TAFA5: variants seen among roughly 807,000 people sequenced by gnomAD.
TAFA5 encodes the protein TAFA chemokine like family member 5.
TAFA5 carries 6 observed loss-of-function variants against 15.3 expected under a neutral mutation model. The observed-to-expected ratio is 0.39, with a 90% CI of 0.21 to 0.77. The LOEUF (loss-of-function observed/expected upper bound fraction) is 0.77. Among genes scored for constraint, TAFA5 ranks in the 30% least tolerant of loss-of-function variants. The pLI, the probability that TAFA5 is intolerant of heterozygous loss-of-function variation, is 0.41. For synonymous variants in TAFA5, 103 were observed against 80.7 expected (o/e 1.28, Z -1.48); for missense variants, 161 against 193.1 (o/e 0.83, Z 0.98).
At chr22:48,718,477 G>A (rs2147259130) in intron 3 of TAFA5, among the ~76,000 whole-genome samples, 1 of 152,216 alleles carries the variant, frequency 6.6e-6, no homozygotes, top group East Asian at 1.9e-4. Context: ...GGAGGACATG[G>A]GCCTGGCAGA....
intron 3 of TAFA5, among the ~76,000 whole-genome samples, chr22:48,715,005 C>A (rs1929360676): frequency 6.6e-6 from 1 of 152,246 alleles, no homozygotes; most frequent in Non-Finnish European, 1.5e-5. Context: ...AACACTCCAG[C>A]TATTGGCTTT....
chr22:48,693,151 A>T, intron 2 of TAFA5: 1 of 784,358 alleles, frequency 1.3e-6, no homozygotes, highest in African/African-American at 1.7e-5. Flanking sequence ...CCTCGAGTCG[A>T]AGCCTCTGCT....
At chr22:48,729,187 A>G (rs1406708119) in intron 3 of TAFA5, among the ~76,000 whole-genome samples, 1 of 150,340 alleles carries the variant, frequency 6.7e-6, no homozygotes, top group African/African-American at 2.4e-5. Flanking sequence ...TTTCCCAAAT[A>G]TTGGAAAATA....
chr22:48,667,567 C>T (rs991799704), intron 2 of TAFA5, among the ~76,000 whole-genome samples: 3 of 152,268 alleles, frequency 2.0e-5, no homozygotes, highest in South Asian at 4.1e-4. Flanking sequence ...ATTTATCTCG[C>T]GGGCTTCGCT....
At chr22:48,561,872 G>T (rs945292218) in intron 1 of TAFA5, among the ~76,000 whole-genome samples, 4 of 152,214 alleles carry the variant, frequency 2.6e-5, no homozygotes, top group Non-Finnish European at 5.9e-5. Flanking sequence ...CACACATTCT[G>T]CACAGTGACG....
At chr22:48,623,396 C>T (rs5771674) in intron 1 of TAFA5, among the ~76,000 whole-genome samples, 6,015 of 45,024 alleles carry the variant, frequency 0.13, 223 homozygotes, top group African/African-American at 0.16. Flanking sequence ...TGGGACGGGA[C>T]GTGTCGCGTG....
intron 1 of TAFA5, among the ~76,000 whole-genome samples, chr22:48,642,943 T>C (rs1601637792): frequency 1.3e-5 from 2 of 152,170 alleles, no homozygotes; most frequent in African/African-American, 2.4e-5. Context: ...GCCCTGGCCC[T>C]GTCAGTAGTC....
At chr22:48,684,544 C>G (rs374258832) in intron 2 of TAFA5, among the ~76,000 whole-genome samples, 113 of 152,308 alleles carry the variant, frequency 7.4e-4, no homozygotes, top group African/African-American at 2.7e-3. Context: ...GATGCTGCCT[C>G]CAGAGCAGAC....
At chr22:48,516,804 T>G (rs1921424030) in intron 1 of TAFA5, among the ~76,000 whole-genome samples, 1 of 152,156 alleles carries the variant, frequency 6.6e-6, no homozygotes, top group African/African-American at 2.4e-5. Flanking sequence ...CTGACCCACC[T>G]CCGGGACACT....
chr22:48,646,569 G>T (rs751116279), intron 1 of TAFA5, 28 bp from the exon 2 acceptor site: 2 of 1,608,544 alleles, frequency 1.2e-6, no homozygotes, highest in Non-Finnish European at 1.7e-6. Context: ...ACGTGTGGCC[G>T]CTCAGTCGCT....
At chr22:48,570,809 C>A (rs777445568) in intron 1 of TAFA5, among the ~76,000 whole-genome samples, 13 of 149,602 alleles carry the variant, frequency 8.7e-5, no homozygotes, top group Non-Finnish European at 1.6e-4. Flanking sequence ...AGTACTATCC[C>A]ATAAATGTTT....
intron 1 of TAFA5, among the ~76,000 whole-genome samples, chr22:48,500,699 C>A (rs1920947072): frequency 6.6e-6 from 1 of 152,242 alleles, no homozygotes; most frequent in African/African-American, 2.4e-5. Flanking sequence ...AGTGAGTCAC[C>A]AGTATCTAGC....
In TAFA5 at chr22:48,489,726, C is replaced by T. The variant is rs749539545; in HGVS notation, c.112+22C>T. On this transcript the variant is annotated intron_variant, in intron 1 of 3. Transcript: ENST00000402357. The surrounding 1 kb of genome is among the most constrained non-coding windows in gnomAD (Gnocchi z 5.5). ...TGCAGTGAGTACCGCGCGGCCCCGG[C>T]CCCGGCACGGCCCTCTGGGCCCCGG... is the stretch of plus-strand genomic sequence containing the variant. 2 of 1,393,808 alleles carry T rather than the reference C, an allele frequency of 1.4e-6. No homozygotes were observed. Among genetic ancestry groups the T allele is most frequent in the Admixed American group, 2.6e-5 (1 of 38,140 alleles). 86.3% of individuals were successfully genotyped at this position (1,393,808 alleles called of 1,614,324 possible). A position where few individuals can be genotyped will look rare whatever the true frequency, so the allele number is the denominator to read the frequency against.
intron 1 of TAFA5, among the ~76,000 whole-genome samples, chr22:48,573,965 C>G (rs1164509263): frequency 6.6e-6 from 1 of 152,158 alleles, no homozygotes; most frequent in Non-Finnish European, 1.5e-5. Context: ...CCCGAGTCCT[C>G]TGACTGGGGA....
intron 1 of TAFA5, among the ~76,000 whole-genome samples, chr22:48,633,893 A>C (rs56405099): frequency 0.071 from 10,747 of 152,260 alleles, 1,265 homozygotes; most frequent in African/African-American, 0.24. Context: ...TGTGTGTGCC[A>C]CTGTGTTTAT....
At chr22:48,584,759 A>C (rs1924270836) in intron 1 of TAFA5, among the ~76,000 whole-genome samples, 3 of 146,806 alleles carry the variant, frequency 2.0e-5, no homozygotes, top group South Asian at 4.4e-4. Context: ...ACACACACAC[A>C]ACACACCACA....
chr22:48,707,539 AC>A (rs1183838518), intron 2 of TAFA5, among the ~76,000 whole-genome samples, 177 bp from the exon 3 acceptor site: 1 of 152,070 alleles, frequency 6.6e-6, no homozygotes, highest in East Asian at 1.9e-4. Flanking sequence ...AAACCAGGAG[AC>A]CAGGAAGCTG....
chr22:48,590,438 C>G (rs567758320), intron 1 of TAFA5, among the ~76,000 whole-genome samples: 2 of 152,194 alleles, frequency 1.3e-5, no homozygotes, highest in Non-Finnish European at 2.9e-5. Context: ...TTTCCATTCA[C>G]GGGCTGATGG....
At chr22:48,652,128 C>T (rs976943796) in intron 2 of TAFA5, among the ~76,000 whole-genome samples, 3 of 152,248 alleles carry the variant, frequency 2.0e-5, no homozygotes, top group African/African-American at 4.8e-5. Flanking sequence ...CCTCGAGGCG[C>T]CAACGGGGCC....
Sources: allele counts gnomAD v4.1 joint callset (sites outside exome capture counted in the v4.1 genomes callset), GRCh38; gene constraint gnomAD v4.1.1; non-coding constraint Gnocchi (gnomAD v3.1); transcripts MANE v1.5; gene names NCBI Gene and HGNC (gene_info 2026-07-23, HGNC 2026-07-21).